BMPER: variants seen among roughly 807,000 people sequenced by gnomAD.
The protein encoded by BMPER is BMP binding endothelial regulator.
A neutral mutation model predicts 87.3 loss-of-function variants in BMPER; 45 were observed. The observed-to-expected ratio is 0.52, with a 90% confidence interval of 0.41 to 0.66. The LOEUF (loss-of-function observed/expected upper bound fraction) is 0.66. Ranked by LOEUF, BMPER falls within the 30% of genes least tolerant of loss-of-function variation. The probability of loss-of-function intolerance (pLI) is 0.00; values close to 1 mark genes in which losing one functional copy is unlikely to be tolerated. For synonymous variants in BMPER, 326 were observed against 316.2 expected, an observed-to-expected ratio of 1.03 and a Z score of -0.33; for missense variants, 784 against 867.5, an observed-to-expected ratio of 0.90 and a Z score of 1.21.
At chr7:34,047,820 T>TTCCTTCCTTCCTTCCTTCCTTCCTTCC (rs1562709450) in intron 7 of BMPER, among the ~76,000 whole-genome samples, 16 of 134,224 alleles carry the variant, frequency 1.2e-4, no homozygotes, top group Non-Finnish European at 1.8e-4. Flanking sequence ...TCTTCCTCAC[T>TTCCTTCCTTCCTTCCTTCCTTCCTTCC]TTCCTACTTT....
chr7:34,033,143 T>G (rs1037139036), intron 6 of BMPER, among the ~76,000 whole-genome samples: 10 of 152,142 alleles, frequency 6.6e-5, no homozygotes, highest in Non-Finnish European at 1.5e-5. Context: ...GGAGACCTTT[T>G]GTCTTAGAGT....
chr7:33,975,322 G>A (rs1445684439), intron 6 of BMPER, among the ~76,000 whole-genome samples: 1 of 152,146 alleles, frequency 6.6e-6, no homozygotes, highest in East Asian at 1.9e-4. Context: ...CCTGAGGGGT[G>A]AGAACCTGGT....
rs1365584631 is a variant in BMPER at position 34,155,244 on chromosome 7, AAC to A, written c.*1973_*1974del. The A allele has an allele frequency of 1.3e-5, 2 of 152,170 alleles. No homozygotes were observed. Among genetic ancestry groups the A allele is most frequent in the Non-Finnish European group, 2.9e-5 (2 of 68,042 alleles). 9.4% of individuals were successfully genotyped at this position (152,170 alleles called of 1,614,324 possible). On this transcript the variant is annotated 3_prime_UTR_variant, in exon 15 of 15. Transcript: ENST00000649409. ...GGTGGTTCCTACCTTCTGTAAAACGAACAGATTCCTTAAGATTAGCTTTAAAT... is the reference window on the plus strand; with the variant it reads ...GGTGGTTCCTACCTTCTGTAAAACGAAGATTCCTTAAGATTAGCTTTAAAT...
chr7:34,043,363 T>C (rs987053777), intron 6 of BMPER, among the ~76,000 whole-genome samples: 2 of 152,152 alleles, frequency 1.3e-5, no homozygotes, highest in African/African-American at 4.8e-5. Flanking sequence ...ATCTGTCTAG[T>C]AGAGAGAAAA....
chr7:34,092,971 A>C (rs542546767), intron 13 of BMPER, among the ~76,000 whole-genome samples: 29 of 152,330 alleles, frequency 1.9e-4, no homozygotes, highest in Non-Finnish European at 4.1e-4. Flanking sequence ...AGTCAACTGT[A>C]TAGTTAGCCA....
chr7:34,055,329 A>C, intron 9 of BMPER, 26 bp downstream of exon 9: 1 of 1,613,442 alleles, frequency 6.2e-7, no homozygotes, highest in Non-Finnish European at 8.5e-7. Context: ...AGCACATGGG[A>C]ACTCCTGTAT....
At chr7:34,089,629 G>A (rs1332644130) in intron 13 of BMPER, among the ~76,000 whole-genome samples, 4 of 151,856 alleles carry the variant, frequency 2.6e-5, no homozygotes, top group African/African-American at 4.8e-5. Flanking sequence ...GATTATAGGC[G>A]CCCACCACCA....
intron 2 of BMPER, among the ~76,000 whole-genome samples, chr7:33,916,284 G>C (rs1035348164): frequency 6.6e-6 from 1 of 152,166 alleles, no homozygotes; most frequent in Non-Finnish European, 1.5e-5. Context: ...TGCTTAACTT[G>C]TGCCAATTTA....
intron 2 of BMPER, among the ~76,000 whole-genome samples, chr7:33,912,821 A>G (rs1312593086): frequency 6.6e-6 from 1 of 152,252 alleles, no homozygotes; most frequent in African/African-American, 2.4e-5. Flanking sequence ...GTTGATTCCC[A>G]GTTCTAATTC....
chr7:33,927,388 C>T (rs528764009), intron 2 of BMPER, among the ~76,000 whole-genome samples: 33 of 152,254 alleles, frequency 2.2e-4, no homozygotes, highest in African/African-American at 7.9e-4. Context: ...GCTGGCCTCA[C>T]AGAGATATGG....
intron 13 of BMPER, among the ~76,000 whole-genome samples, chr7:34,095,391 T>A (rs1047791095): frequency 6.6e-5 from 10 of 152,218 alleles, no homozygotes; most frequent in Non-Finnish European, 1.5e-5. Flanking sequence ...TCAAAGTTAA[T>A]GTTGGCGTGT....
chr7:33,909,211 A>G (rs1783893861), intron 2 of BMPER, among the ~76,000 whole-genome samples: 1 of 152,178 alleles, frequency 6.6e-6, no homozygotes, highest in African/African-American at 2.4e-5. Context: ...AAACTGAGGC[A>G]TAGGGGGCTA....
intron 11 of BMPER, among the ~76,000 whole-genome samples, chr7:34,063,126 G>A (rs745836006): frequency 2.9e-4 from 44 of 152,184 alleles, no homozygotes; most frequent in Non-Finnish European, 5.6e-4. Context: ...AGGAGTATTA[G>A]TAATGTCACT....
At chr7:34,123,865 T>C (rs1443617246) in intron 13 of BMPER, among the ~76,000 whole-genome samples, 4 of 152,232 alleles carry the variant, frequency 2.6e-5, no homozygotes, top group Admixed American at 2.6e-4. Context: ...GGAATGCATG[T>C]AGACTTCTTT....
At chr7:33,921,224 C>T (rs150442249) in intron 2 of BMPER, among the ~76,000 whole-genome samples, 4 of 152,258 alleles carry the variant, frequency 2.6e-5, no homozygotes, top group Admixed American at 2.0e-4. Flanking sequence ...TCTAGAACAG[C>T]GCCTTGCAAA....
Position 33,974,578 on chromosome 7 carries a change from A to G in BMPER, c.494-124A>G, listed in dbSNP as rs866602642. 158 of 955,652 alleles carry G rather than the reference A, an allele frequency of 1.7e-4. No individual in the cohort carries two copies. In the Middle Eastern group the frequency reaches 5.4e-3, roughly 33 times the overall value. 59.2% of individuals were successfully genotyped at this position (955,652 alleles called of 1,614,324 possible). ...TTTTCACTATGCAGCAATCTTGTCC[A>G]CTGGTTGAAGAGGACACTCAGCTGT... On this transcript the variant is annotated intron_variant, in intron 5 of 14. Coordinates refer to ENST00000649409, the MANE Select transcript of BMPER (RefSeq NM_001365308.1).
At chr7:34,093,539 C>T (rs573738351) in intron 13 of BMPER, among the ~76,000 whole-genome samples, 6 of 152,334 alleles carry the variant, frequency 3.9e-5, no homozygotes, top group South Asian at 2.1e-4. Context: ...AGGGGCTTAA[C>T]GATTGTCTCT....
At chr7:33,981,207 C>G (rs922981505) in intron 6 of BMPER, among the ~76,000 whole-genome samples, 1 of 152,218 alleles carries the variant, frequency 6.6e-6, no homozygotes, top group African/African-American at 2.4e-5. Flanking sequence ...TGCAGCATCT[C>G]TGTCCCTCTT....
At chr7:34,115,388 A>G (rs1790090483) in intron 13 of BMPER, among the ~76,000 whole-genome samples, 1 of 152,206 alleles carries the variant, frequency 6.6e-6, no homozygotes. Flanking sequence ...TATATAATGT[A>G]ATGGTTTTTA....
Sources: gnomAD v4.1 joint callset for allele counts (sites outside exome capture counted in the v4.1 genomes callset) on GRCh38, gnomAD v4.1.1 for gene constraint, MANE v1.5 for transcripts, NCBI Gene and HGNC (gene_info 2026-07-23, HGNC 2026-07-21) for gene names.